Variants in TCF25 observed in about 807,000 individuals in gnomAD.
TCF25 encodes ribosome quality control complex subunit TCF25.
A neutral mutation model predicts 83.1 loss-of-function variants in TCF25; 41 were observed. That is an observed-to-expected ratio of 0.49 (90% CI 0.38 to 0.64). The LOEUF (loss-of-function observed/expected upper bound fraction) is 0.64. Among genes scored for constraint, TCF25 ranks in the 30% least tolerant of loss-of-function variants. The pLI, the probability that TCF25 is intolerant of heterozygous loss-of-function variation, is 0.00. For missense variants in TCF25, 979 were observed against 914.5 expected, an observed-to-expected ratio of 1.07 and a Z score of -0.91; for synonymous variants, 458 against 365.0, an observed-to-expected ratio of 1.25 and a Z score of -2.90.
chr16:89,889,293 T>C (rs2043247623), intron 5 of TCF25: 1 of 367,222 alleles, frequency 2.7e-6, no homozygotes, highest in Non-Finnish European at 5.3e-6. Context: ...TCCTCCCATC[T>C]CAGTCTCCCA....
chr16:89,893,147 T>A (rs2043559563), intron 6 of TCF25, among the ~76,000 whole-genome samples: 3 of 152,108 alleles, frequency 2.0e-5, no homozygotes, highest in Admixed American at 2.0e-4. Context: ...CAAGAAGGTA[T>A]CACTACAGGG....
At chr16:89,897,130 C>T (rs1292945812) in intron 9 of TCF25, among the ~76,000 whole-genome samples, 1 of 152,190 alleles carries the variant, frequency 6.6e-6, no homozygotes, top group Non-Finnish European at 1.5e-5. Context: ...TGAGAAAACC[C>T]ATCCCTGGCA....
At chr16:89,876,372 C>G (rs17775710) in intron 1 of TCF25, among the ~76,000 whole-genome samples, 1 of 152,112 alleles carries the variant, frequency 6.6e-6, no homozygotes, top group Non-Finnish European at 1.5e-5. Context: ...CAGCCAGTTA[C>G]GACTAAATGG....
chr16:89,900,619 T>G lies in TCF25; in HGVS notation c.1222-16T>G, dbSNP rs753448584. 8 of 1,567,288 alleles carry G rather than the reference T, an allele frequency of 5.1e-6. No homozygotes were observed. Among genetic ancestry groups the G allele is most frequent in the Admixed American group, 1.7e-5 (1 of 57,618 alleles). The stretch of plus-strand genomic sequence containing the variant: ...ATGACTTAAGGCTCCACGCTCTGTT[T>G]CTTCGTCCCTCGTAGGCTCATCGGA... On this transcript the variant is annotated splice_polypyrimidine_tract_variant and intron_variant, in intron 11 of 17. Transcript: ENST00000263346.
At chr16:89,906,173 C>T (rs1394960973) in intron 14 of TCF25, 21 bp from the exon 15 acceptor site, 1 of 1,609,610 alleles carries the variant, frequency 6.2e-7, no homozygotes, top group Non-Finnish European at 8.5e-7. Context: ...TCTGCTGTGC[C>T]TTGTTTCTCC....
intron 1 of TCF25, chr16:89,874,838 T>G (rs2042052967): frequency 6.6e-6 from 1 of 151,882 alleles, no homozygotes; most frequent in Admixed American, 6.6e-5. Flanking sequence ...GGTCTAGAAC[T>G]TCTGCGCTCA....
rs1337118380 is a variant in TCF25 at position 89,898,563 on chromosome 16, C to G, written c.1029C>G (p.Phe343Leu). 1 of 1,599,014 alleles carries G rather than the reference C, an allele frequency of 6.3e-7. No homozygotes were observed. The highest frequency in any genetic ancestry group is 1.7e-5 in the Admixed American group (1 of 59,340). The change falls in exon 10 of 18, where the codon TTC becomes TTG. Residue 343 changes from phenylalanine to leucine, a missense_variant. By Grantham distance (22) the Phe-to-Leu change is conservative. Transcript: ENST00000263346. ...GGAACTATTTTGGATCTAGGAGCTT[C>G]TACCTGGCCCTCTACAAGCAGATGA... ...LDYRRPENRSFYLALYKQMSF... is the reference protein window; with the variant it reads ...LDYRRPENRSLYLALYKQMSF...
intron 5 of TCF25, chr16:89,889,425 C>G (rs904625236): frequency 4.0e-6 from 1 of 249,222 alleles, no homozygotes; most frequent in Non-Finnish European, 7.9e-6. Flanking sequence ...GATTCTCCTC[C>G]CTCTACCTCC....
intron 1 of TCF25, among the ~76,000 whole-genome samples, chr16:89,875,984 T>C (rs2042161419): frequency 1.3e-5 from 2 of 150,860 alleles, no homozygotes; most frequent in Admixed American, 1.3e-4. Flanking sequence ...CTTGTTCTTT[T>C]AATGCTTTTT....
At chr16:89,887,988 C>G (rs919379267) in intron 5 of TCF25, among the ~76,000 whole-genome samples, 4 of 152,116 alleles carry the variant, frequency 2.6e-5, no homozygotes, top group Non-Finnish European at 5.9e-5. Flanking sequence ...AAAGCCATGC[C>G]GAGTGCAGTG....
chr16:89,875,271 C>T (rs914026618), intron 1 of TCF25, among the ~76,000 whole-genome samples: 5 of 152,108 alleles, frequency 3.3e-5, no homozygotes, highest in Non-Finnish European at 7.4e-5. Flanking sequence ...GCTATGTATT[C>T]GTTGACCATT....
chr16:89,889,017 G>A (rs1307329122), intron 5 of TCF25, among the ~76,000 whole-genome samples: 1 of 151,648 alleles, frequency 6.6e-6, no homozygotes, highest in Non-Finnish European at 1.5e-5. Flanking sequence ...CCATTCAGTA[G>A]TTCTTAGCAG....
chr16:89,892,127 G>A (rs1005247304), intron 5 of TCF25, 66 bp from the exon 6 acceptor site: 37 of 1,464,340 alleles, frequency 2.5e-5, no homozygotes, highest in Non-Finnish European at 3.3e-5. Flanking sequence ...CAGGGATCAG[G>A]CAGCCAAGCC....
At chr16:89,903,978 G>A (rs1421618736) in intron 12 of TCF25, 140 bp from the exon 13 acceptor site, 7 of 810,122 alleles carry the variant, frequency 8.6e-6, no homozygotes, top group Non-Finnish European at 1.2e-5. Flanking sequence ...CCGGAAGCAA[G>A]CCGCTGGCCC....
At chr16:89,876,790 G>A (rs1273841327) in intron 1 of TCF25, among the ~76,000 whole-genome samples, 1 of 152,142 alleles carries the variant, frequency 6.6e-6, no homozygotes, top group Non-Finnish European at 1.5e-5. Flanking sequence ...TTAGCCGGGT[G>A]TGGCGGCGGG....
At chr16:89,882,005 G>T (rs923700253) in intron 1 of TCF25, among the ~76,000 whole-genome samples, 1 of 151,746 alleles carries the variant, frequency 6.6e-6, no homozygotes, top group Admixed American at 6.6e-5. Context: ...CACCCACCTC[G>T]GCCTCCCAAA....
chr16:89,901,355 C>T (rs2044309796), intron 12 of TCF25, among the ~76,000 whole-genome samples: 1 of 152,234 alleles, frequency 6.6e-6, no homozygotes, highest in Non-Finnish European at 1.5e-5. Context: ...TTAAGATGGG[C>T]CTCCTCCGAG....
intron 12 of TCF25, among the ~76,000 whole-genome samples, chr16:89,901,438 G>A (rs1458732587): frequency 6.6e-6 from 1 of 151,120 alleles, no homozygotes; most frequent in Non-Finnish European, 1.5e-5. Flanking sequence ...GGGTGAGGGT[G>A]AAATCCCTCC....
rs987678999 is a variant in TCF25, at chr16:89,889,407, C to A, written c.614+1690C>A. The A allele has an allele frequency of 3.9e-5, 10 of 255,008 alleles. No homozygotes were observed. The East Asian group carries it at 1.1e-3, about 28-fold the overall frequency. 15.8% of individuals were successfully genotyped at this position (255,008 alleles called of 1,614,324 possible). On this transcript the variant is annotated intron_variant, in intron 5 of 17. Coordinates refer to ENST00000263346, the MANE Select transcript of TCF25 (RefSeq NM_014972.3). ...GCCCAGGGTGATGTCAAACTCCTGG[C>A]TTCAAGCGATTCTCCTCCCTCTACC...
Sources: gnomAD v4.1 joint callset for allele counts (sites outside exome capture counted in the v4.1 genomes callset) on GRCh38, gnomAD v4.1.1 for gene constraint, MANE v1.5 for transcripts, NCBI Gene and HGNC (gene_info 2026-07-23, HGNC 2026-07-21) for gene names.